The following COX10 variants were observed in gnomAD, a reference collection of about 807,000 sequenced individuals.
The protein encoded by COX10 is cytochrome c oxidase assembly factor heme A:farnesyltransferase COX10, also known as protoheme IX farnesyltransferase, mitochondrial.
COX10 carries 27 observed loss-of-function variants against 37.3 expected under a neutral mutation model. That is an observed-to-expected ratio of 0.72 (90% CI 0.53 to 1.00). The LOEUF is 1.00. COX10 is among the 50% of genes least tolerant of loss of function. COX10 has a pLI of 0.00. For synonymous variants in COX10, 222 were observed against 229.1 expected (o/e 0.97, Z 0.28); for missense variants, 475 against 563.2 (o/e 0.84, Z 1.59).
intron 3 of COX10, among the ~76,000 whole-genome samples, chr17:14,087,553 A>C (rs1298297099): frequency 2.6e-5 from 4 of 151,982 alleles, no homozygotes; most frequent in Non-Finnish European, 5.9e-5. Context: ...TAACAGTTTC[A>C]CTTGTTGGAG....
At chr17:14,160,992 C>A (rs1567604822) in intron 5 of COX10, among the ~76,000 whole-genome samples, 3 of 152,160 alleles carry the variant, frequency 2.0e-5, no homozygotes. Context: ...CTGCTCTCGC[C>A]ACTGGTAATG....
intron 5 of COX10, among the ~76,000 whole-genome samples, chr17:14,170,227 T>G (rs1282989498): frequency 6.6e-6 from 1 of 152,218 alleles, no homozygotes; most frequent in Admixed American, 6.5e-5. Flanking sequence ...TAAACCCGTT[T>G]TACAAGTTGA....
At position 14,141,070 on chromosome 17, in the gene COX10, G is replaced by A. The variant is rs1287445467; in HGVS notation, c.625-18807G>A. Among the ~76,000 whole-genome samples, 3 of 151,656 alleles carry A rather than the reference G, an allele frequency of 2.0e-5. 1 individual carries two copies. Among genetic ancestry groups the A allele is most frequent in the Admixed American group, 1.3e-4 (2 of 15,214 alleles). Reference sequence around the variant, plus strand: ...TTTTTTTTGCGTAATCATGAGTTACGGTGTTAAAGTTATAGTGTTAATTTA... The same window carrying A: ...TTTTTTTTGCGTAATCATGAGTTACAGTGTTAAAGTTATAGTGTTAATTTA... On this transcript the variant is annotated intron_variant, in intron 4 of 6. Transcript: ENST00000261643.
Position 14,192,301 on chromosome 17 carries a change from T to TTC in COX10, c.928+81_928+82dup, listed in dbSNP as rs1388953248. The TTC allele has an allele frequency of 4.7e-5, 76 of 1,613,860 alleles. No individual in the cohort carries two copies. In the African/African-American group the frequency reaches 9.7e-4, roughly 21 times the overall value. Reference sequence around the variant, plus strand: ...TTCCTCCCTGAGCTGTAGCACTTGGTTCGATTCCATTCCATCCCACATTAA... The same window carrying TTC: ...TTCCTCCCTGAGCTGTAGCACTTGGTTCTCGATTCCATTCCATCCCACATTAA... On this transcript the variant is annotated intron_variant, in intron 6 of 6. Coordinates refer to ENST00000261643, the MANE Select transcript of COX10 (RefSeq NM_001303.4).
chr17:14,075,717 G>A (rs376150564), intron 2 of COX10, among the ~76,000 whole-genome samples: 3 of 152,142 alleles, frequency 2.0e-5, no homozygotes, highest in East Asian at 1.9e-4. Flanking sequence ...CCGGCCAGGC[G>A]CTGTGGCTCA....
At chr17:14,183,689 G>A (rs181555943) in intron 5 of COX10, among the ~76,000 whole-genome samples, 17 of 152,398 alleles carry the variant, frequency 1.1e-4, no homozygotes, top group Admixed American at 8.5e-4. Flanking sequence ...GTCTTTATAA[G>A]TCTGACAAAA....
chr17:14,090,863 G>C (rs1293866351), intron 3 of COX10, among the ~76,000 whole-genome samples: 2 of 152,132 alleles, frequency 1.3e-5, no homozygotes, highest in Non-Finnish European at 2.9e-5. Flanking sequence ...AGCCCCAAGA[G>C]GGCCGGGAAC....
intron 3 of COX10, among the ~76,000 whole-genome samples, chr17:14,080,105 A>C (rs148623537): frequency 5.8e-4 from 88 of 152,190 alleles, no homozygotes; most frequent in Admixed American, 6.5e-5. Flanking sequence ...ATCAGTACTT[A>C]GAAATGTAAT....
At position 14,175,090 on chromosome 17, in the gene COX10, G is replaced by A. The variant is rs867257174; in HGVS notation, c.695+15143G>A. 6.3e-5 allele frequency among the ~76,000 whole-genome samples: 5 copies of A among 78,970 alleles called. 2 individuals are homozygous for A. The highest frequency in any genetic ancestry group is 1.1e-4 in the African/African-American group (3 of 27,056). The allele number at this position is 78,970 out of a possible 152,430, so 51.8% of individuals were successfully genotyped here. A position where few individuals can be genotyped will look rare whatever the true frequency, so the allele number is the denominator to read the frequency against. The stretch of plus-strand genomic sequence containing the variant: ...GTGGTTACTGGGAAATAGCGGGGGG[G>A]GGGGGGGTGGATAGGAGGGAATTGG... On this transcript the variant is annotated intron_variant, in intron 5 of 6. Transcript: ENST00000261643.
intron 4 of COX10, among the ~76,000 whole-genome samples, chr17:14,129,147 A>ATTT (rs376366835): frequency 7.3e-6 from 1 of 137,612 alleles, no homozygotes; most frequent in African/African-American, 2.7e-5. Flanking sequence ...TGCCCGGCCT[A>ATTT]TTTTTTTTTT....
chr17:14,165,998 C>A (rs138574815), intron 5 of COX10, among the ~76,000 whole-genome samples: 1 of 152,324 alleles, frequency 6.6e-6, no homozygotes, highest in African/African-American at 2.4e-5. Context: ...AAGTTTGAAG[C>A]TGACAGGGAT....
intron 4 of COX10, among the ~76,000 whole-genome samples, chr17:14,138,674 T>C: frequency 6.6e-6 from 1 of 152,182 alleles, no homozygotes; most frequent in East Asian, 1.9e-4. Context: ...AATCGGTCCT[T>C]TCTCTAAACT....
At chr17:14,146,247 T>C (rs1215581098) in intron 4 of COX10, among the ~76,000 whole-genome samples, 1 of 152,080 alleles carries the variant, frequency 6.6e-6, no homozygotes, top group Non-Finnish European at 1.5e-5. Context: ...TACAAAGCTA[T>C]AGTATAGAGC....
intron 5 of COX10, among the ~76,000 whole-genome samples, chr17:14,183,392 A>T (rs2142257436): frequency 6.6e-6 from 1 of 152,312 alleles, no homozygotes; most frequent in African/African-American, 2.4e-5. Flanking sequence ...GTTGAAAATT[A>T]GAACTTTTTT....
At chr17:14,076,305 G>A (rs1165345068) in intron 2 of COX10, among the ~76,000 whole-genome samples, 1 of 151,468 alleles carries the variant, frequency 6.6e-6, no homozygotes, top group African/African-American at 2.4e-5. Flanking sequence ...TCCCTATGTT[G>A]CCCAGGCTGG....
At chr17:14,101,658 A>G (rs1597501134) in intron 3 of COX10, among the ~76,000 whole-genome samples, 1 of 152,146 alleles carries the variant, frequency 6.6e-6, no homozygotes, top group South Asian at 2.1e-4. Context: ...GACCACTCCT[A>G]GGCTTGTCTG....
intron 3 of COX10, among the ~76,000 whole-genome samples, chr17:14,092,002 A>G (rs1915539588): frequency 6.6e-6 from 1 of 152,180 alleles, no homozygotes; most frequent in Non-Finnish European, 1.5e-5. Flanking sequence ...TTTTAAAGTT[A>G]ATTAAAAAGG....
chr17:14,198,395 T>C (rs1217081727), intron 6 of COX10, among the ~76,000 whole-genome samples: 3 of 152,210 alleles, frequency 2.0e-5, no homozygotes, highest in African/African-American at 7.2e-5. Context: ...CACTCCAATA[T>C]CTTAGAAAGG....
intron 5 of COX10, among the ~76,000 whole-genome samples, chr17:14,186,540 C>G (rs1268220689): frequency 8.6e-5 from 13 of 151,992 alleles, no homozygotes; most frequent in Admixed American, 8.5e-4. Context: ...CCCGTGTTCC[C>G]TGCTGTGCCA....
Sources: allele counts gnomAD v4.1 joint callset (sites outside exome capture counted in the v4.1 genomes callset), GRCh38; gene constraint gnomAD v4.1.1; transcripts MANE v1.5; gene names NCBI Gene and HGNC (gene_info 2026-07-23, HGNC 2026-07-21).